Variants in ETV6 observed in about 807,000 individuals in gnomAD.
ETV6 encodes ETS variant transcription factor 6.
ETV6 carries 16 observed loss-of-function variants against 51.1 expected under a neutral mutation model. That is an observed-to-expected ratio of 0.31 (90% CI 0.21 to 0.48). ETV6 has a LOEUF of 0.48. ETV6 is among the 20% of genes least tolerant of loss of function. ETV6 has a pLI of 0.99. For missense variants in ETV6, 458 were observed against 594.8 expected (o/e 0.77, Z 2.39); for synonymous variants, 240 against 224.1 (o/e 1.07, Z -0.64).
chr12:11,841,118 G>T (rs1435720129), intron 3 of ETV6, among the ~76,000 whole-genome samples: 1 of 152,290 alleles, frequency 6.6e-6, no homozygotes, highest in East Asian at 1.9e-4. Flanking sequence ...TATCTCAGGT[G>T]CACTTTTTTA....
intron 1 of ETV6, among the ~76,000 whole-genome samples, chr12:11,663,773 A>ATG (rs1368998226): frequency 7.1e-6 from 1 of 141,522 alleles, no homozygotes; most frequent in Non-Finnish European, 1.6e-5. Context: ...GTGTGTGTGT[A>ATG]TGTGTGTGTG....
chr12:11,703,512 A>G (rs1170410339), intron 1 of ETV6, among the ~76,000 whole-genome samples: 2 of 152,190 alleles, frequency 1.3e-5, no homozygotes, highest in East Asian at 1.9e-4. Context: ...GAGCAAGCCA[A>G]TGAAATGATA....
At chr12:11,681,874 C>A (rs192113365) in intron 1 of ETV6, among the ~76,000 whole-genome samples, 16 of 152,320 alleles carry the variant, frequency 1.1e-4, no homozygotes, top group Admixed American at 3.3e-4. Context: ...CCAGCTTCAA[C>A]CATGTTCCTG....
At chr12:11,735,085 C>CAT (rs1489807068) in intron 1 of ETV6, among the ~76,000 whole-genome samples, 1 of 76,196 alleles carries the variant, frequency 1.3e-5, no homozygotes, top group Non-Finnish European at 2.4e-5. Flanking sequence ...GGCAAGGTGG[C>CAT]CTTTTTTTTT....
At chr12:11,677,972 C>T (rs111977923) in intron 1 of ETV6, among the ~76,000 whole-genome samples, 53 of 152,344 alleles carry the variant, frequency 3.5e-4, no homozygotes, top group African/African-American at 1.3e-3. Flanking sequence ...TCACTCCGTG[C>T]TGTCAGCACC....
At chr12:11,819,652 C>T (rs1035897910) in intron 2 of ETV6, among the ~76,000 whole-genome samples, 2 of 152,206 alleles carry the variant, frequency 1.3e-5, no homozygotes, top group Non-Finnish European at 2.9e-5. Context: ...TTTCAGGAAT[C>T]AGGAGCTTGG....
intron 3 of ETV6, among the ~76,000 whole-genome samples, chr12:11,852,130 A>G (rs977987591): frequency 6.6e-6 from 1 of 152,188 alleles, no homozygotes. Flanking sequence ...CCCACCCCCA[A>G]AGGGTTTTGA....
At chr12:11,802,232 G>A (rs1945761126) in intron 2 of ETV6, among the ~76,000 whole-genome samples, 1 of 152,176 alleles carries the variant, frequency 6.6e-6, no homozygotes, top group African/African-American at 2.4e-5. Flanking sequence ...GCGTACAGAA[G>A]CCTCAGGAAT....
chr12:11,822,729 TGAAGA>T (rs1946098697), intron 2 of ETV6, among the ~76,000 whole-genome samples: 1 of 152,060 alleles, frequency 6.6e-6, no homozygotes, highest in African/African-American at 2.4e-5. Flanking sequence ...GAATTGCAAG[TGAAGA>T]GAAGAGGGAG....
intron 2 of ETV6, among the ~76,000 whole-genome samples, chr12:11,795,704 A>G (rs1277716438): frequency 2.0e-5 from 3 of 152,234 alleles, no homozygotes; most frequent in African/African-American, 7.2e-5. Flanking sequence ...TTTCCATGGT[A>G]TACAGAAAGG....
intron 1 of ETV6, among the ~76,000 whole-genome samples, chr12:11,729,478 C>T (rs1865554686): frequency 1.3e-5 from 2 of 152,064 alleles, no homozygotes; most frequent in African/African-American, 4.8e-5. Context: ...AATGGACTCT[C>T]CCCGAATCTG....
chr12:11,858,913 G>T (rs563028770), intron 4 of ETV6, among the ~76,000 whole-genome samples: 1 of 152,204 alleles, frequency 6.6e-6, no homozygotes, highest in African/African-American at 2.4e-5. Context: ...ATAATTGAGA[G>T]AAGTCATTTC....
At chr12:11,795,509 A>G (rs1945663643) in intron 2 of ETV6, among the ~76,000 whole-genome samples, 1 of 152,266 alleles carries the variant, frequency 6.6e-6, no homozygotes, top group African/African-American at 2.4e-5. Flanking sequence ...ATTGGGAACC[A>G]TGATAGATTA....
chr12:11,750,359 G>A (rs1865997587), intron 1 of ETV6, among the ~76,000 whole-genome samples: 2 of 152,216 alleles, frequency 1.3e-5, no homozygotes, highest in Admixed American at 6.5e-5. Flanking sequence ...CAGCATGGAG[G>A]GCCGGGTTTC....
chr12:11,865,486 A>G (rs538310601), intron 4 of ETV6, among the ~76,000 whole-genome samples: 9 of 151,334 alleles, frequency 5.9e-5, no homozygotes, highest in African/African-American at 2.2e-4. Flanking sequence ...TTCAACCTAT[A>G]GGTTCCCATC....
intron 2 of ETV6, among the ~76,000 whole-genome samples, chr12:11,775,306 A>G (rs1378072893): frequency 6.6e-6 from 1 of 152,216 alleles, no homozygotes; most frequent in Non-Finnish European, 1.5e-5. Flanking sequence ...CCTCCCTCAC[A>G]CAGATTCTAA....
At chr12:11,864,977 C>T (rs567290894) in intron 4 of ETV6, among the ~76,000 whole-genome samples, 4 of 152,258 alleles carry the variant, frequency 2.6e-5, no homozygotes, top group Non-Finnish European at 4.4e-5. Flanking sequence ...ACAGGCTGGG[C>T]GCGGTGGCTC....
Position 11,833,530 on chromosome 12 carries a change from TAG to T in ETV6, c.164-5605_164-5604del, listed in dbSNP as rs542941182. ...ATCCTGCCAAAACACCAAATAAGCT[TAG>T]AGAGTTAGGTAGTTTTTAACGTGGG... On this transcript the variant is annotated intron_variant, in intron 2 of 7. Transcript: ENST00000396373. Among the ~76,000 whole-genome samples the T allele has an allele frequency of 2.0e-3, 305 of 152,302 alleles. 1 individual carries two copies. Among genetic ancestry groups the T allele is most frequent in the Admixed American group, 4.1e-3 (62 of 15,298 alleles).
chr12:11,779,428 C>T (rs915074643), intron 2 of ETV6, among the ~76,000 whole-genome samples: 3 of 152,134 alleles, frequency 2.0e-5, no homozygotes, highest in African/African-American at 7.2e-5. Context: ...TAGTTCAAAG[C>T]TAGACTTGGT....
Sources: gnomAD v4.1 joint callset for allele counts (sites outside exome capture counted in the v4.1 genomes callset) on GRCh38, gnomAD v4.1.1 for gene constraint, MANE v1.5 for transcripts, NCBI Gene and HGNC (gene_info 2026-07-23, HGNC 2026-07-21) for gene names.